Variants in CLIC5 observed in about 807,000 individuals in gnomAD.
CLIC5 encodes CLIC family member 5, also known as chloride intracellular channel protein 5.
In CLIC5, 20 loss-of-function variants were observed where a neutral mutation model predicts 24.7. That is an observed-to-expected ratio of 0.81 (90% confidence interval 0.57 to 1.18). The LOEUF (loss-of-function observed/expected upper bound fraction) is 1.18. Ranked by LOEUF, CLIC5 falls within the 50% of genes most tolerant of loss-of-function variation. The pLI, the probability that CLIC5 is intolerant of heterozygous loss-of-function variation, is 0.00. For synonymous variants in CLIC5, 159 were observed against 135.6 expected (o/e 1.17, Z -1.20); for missense variants, 341 against 326.1 (o/e 1.05, Z -0.35).
upstream of CLIC5, among the ~76,000 whole-genome samples, chr6:46,020,272 A>G (rs1322768158): frequency 6.6e-6 from 1 of 152,192 alleles, no homozygotes; most frequent in Non-Finnish European, 1.5e-5. Flanking sequence ...ATCCAGAAAG[A>G]TATCCAAAAC....
chr6:46,040,628 T>C (rs962976064), intron 1 of CLIC5, among the ~76,000 whole-genome samples: 1 of 151,988 alleles, frequency 6.6e-6, no homozygotes, highest in East Asian at 1.9e-4. Flanking sequence ...GATGACGATG[T>C]TGTTGGTAGT....
chr6:46,024,816 C>T (rs1581875721), intron 1 of CLIC5, among the ~76,000 whole-genome samples: 2 of 152,128 alleles, frequency 1.3e-5, no homozygotes, highest in Non-Finnish European at 2.9e-5. Flanking sequence ...GGCATCAACA[C>T]AGTGATACAC....
At position 45,960,440 on chromosome 6, in the gene CLIC5, C is replaced by G. The variant is rs556211492; in HGVS notation, c.64-5196G>C. On this transcript the variant is annotated intron_variant, in intron 1 of 5. Coordinates refer to ENST00000339561, the MANE Select transcript of CLIC5 (RefSeq NM_016929.5). ...TAAAGTGAGCACAAAGTTAGGCTTT[C>G]TCACCAGGGAGAACTAGAGGGGCAC... 2.5e-4 allele frequency among the ~76,000 whole-genome samples: 38 copies of G among 152,284 alleles called. No individual in the cohort carries two copies. In the South Asian group the frequency reaches 7.7e-3, roughly 31 times the overall value.
the CLIC5 span, among the ~76,000 whole-genome samples, chr6:46,093,803 C>T: frequency 6.6e-6 from 1 of 152,188 alleles, no homozygotes; most frequent in Non-Finnish European, 1.5e-5. Flanking sequence ...AAGATGAAAA[C>T]ACATGTTCAC....
At chr6:46,015,988 C>A (rs1766991506), upstream of CLIC5, 1 of 769,606 alleles carries the variant, frequency 1.3e-6, no homozygotes, top group South Asian at 5.9e-5. Context: ...GCCCCAAGAC[C>A]CCGCAGGGCA....
At position 45,975,703 on chromosome 6, in the gene CLIC5, T is replaced by C. The variant is rs769296928; in HGVS notation, c.64-20459A>G. Among the ~76,000 whole-genome samples the C allele has an allele frequency of 4.6e-5, 7 of 152,226 alleles. No homozygotes were observed. In the East Asian group the frequency reaches 1.3e-3, roughly 29 times the overall value. ...TCAGATTACAAAGAACAAGACAATA[T>C]GTTACCTGTCAATCTCTAAGGTGCA... is the stretch of plus-strand genomic sequence containing the variant. On this transcript the variant is annotated intron_variant, in intron 1 of 5. Transcript: ENST00000339561.
At chr6:45,936,298 G>A (rs573104671) in intron 4 of CLIC5, among the ~76,000 whole-genome samples, 1 of 146,632 alleles carries the variant, frequency 6.8e-6, no homozygotes, top group African/African-American at 2.5e-5. Context: ...TCCGCCTCCC[G>A]GGTTCAAGTG....
At chr6:46,070,739 A>G (rs939864667) in intron 1 of CLIC5, among the ~76,000 whole-genome samples, 3 of 152,184 alleles carry the variant, frequency 2.0e-5, no homozygotes, top group Non-Finnish European at 2.9e-5. Context: ...AAAAATTCAT[A>G]TGAAGCCAAA....
At chr6:46,119,415 A>G in the CLIC5 span, among the ~76,000 whole-genome samples, 31 of 152,254 alleles carry the variant, frequency 2.0e-4, no homozygotes, top group Non-Finnish European at 4.0e-4. Flanking sequence ...TACAAGTAGT[A>G]GAAAACCAAT....
the CLIC5 span, among the ~76,000 whole-genome samples, chr6:46,095,340 T>G: frequency 6.6e-6 from 1 of 152,200 alleles, no homozygotes; most frequent in Admixed American, 6.5e-5. Flanking sequence ...GGTTTTTCCT[T>G]TTTACTATAT....
chr6:45,955,412 A>G (rs549066719), intron 1 of CLIC5, among the ~76,000 whole-genome samples, 168 bp from the exon 2 acceptor site: 1 of 152,350 alleles, frequency 6.6e-6, no homozygotes, highest in East Asian at 1.9e-4. Context: ...ATGTCCACGC[A>G]GGGCAATGCC....
intron 1 of CLIC5, among the ~76,000 whole-genome samples, chr6:45,980,339 T>C (rs1199444391): frequency 6.6e-6 from 1 of 152,162 alleles, no homozygotes; most frequent in Non-Finnish European, 1.5e-5. Flanking sequence ...ATGTTCTTAC[T>C]TATAAGTGGG....
chr6:46,107,318 T>C, the CLIC5 span, among the ~76,000 whole-genome samples: 10 of 152,348 alleles, frequency 6.6e-5, 1 homozygote, highest in East Asian at 1.9e-3. Flanking sequence ...TCTAGGCAAG[T>C]GACCACGGTG....
intron 1 of CLIC5, among the ~76,000 whole-genome samples, chr6:46,062,265 A>C (rs928922772): frequency 7.2e-5 from 11 of 152,256 alleles, no homozygotes; most frequent in African/African-American, 2.7e-4. Context: ...GAATATAACA[A>C]AAATACTTCA....
chr6:45,950,653 G>C (rs1764441166), intron 2 of CLIC5, among the ~76,000 whole-genome samples: 1 of 152,092 alleles, frequency 6.6e-6, no homozygotes, highest in Admixed American at 6.6e-5. Context: ...ATCAAATGTT[G>C]GTCTCAAATT....
intron 1 of CLIC5, among the ~76,000 whole-genome samples, chr6:45,977,944 G>A (rs905866765): frequency 6.6e-6 from 1 of 152,174 alleles, no homozygotes; most frequent in Non-Finnish European, 1.5e-5. Flanking sequence ...TTTCCCTGTA[G>A]CTTGCTGCAG....
intron 1 of CLIC5, among the ~76,000 whole-genome samples, chr6:45,984,628 G>C (rs996845015): frequency 6.6e-6 from 1 of 152,156 alleles, no homozygotes; most frequent in African/African-American, 2.4e-5. Context: ...GCTCTCCCCT[G>C]GTCACTGCAG....
At chr6:46,126,952 G>C in the CLIC5 span, among the ~76,000 whole-genome samples, 2 of 152,258 alleles carry the variant, frequency 1.3e-5, no homozygotes. Flanking sequence ...AACAGGATAA[G>C]ATTTTTAAAA....
intron 4 of CLIC5, among the ~76,000 whole-genome samples, chr6:45,925,006 C>T (rs528305603): frequency 1.7e-4 from 26 of 152,274 alleles, no homozygotes; most frequent in Admixed American, 1.5e-3. Context: ...AAGTCACACA[C>T]GAAAGATGGA....
Sources: allele counts gnomAD v4.1 joint callset (sites outside exome capture counted in the v4.1 genomes callset), GRCh38; gene constraint gnomAD v4.1.1; transcripts MANE v1.5; gene names NCBI Gene and HGNC (gene_info 2026-07-23, HGNC 2026-07-21).